The following DNAAF10 variants were observed in gnomAD, a reference collection of about 807,000 sequenced individuals.
The protein encoded by DNAAF10 is WD repeat domain 92.
In DNAAF10, 28 loss-of-function variants were observed where a neutral mutation model predicts 43.7. The ratio of observed to expected loss-of-function variants is 0.64; its 90% CI spans 0.48 to 0.88. The LOEUF (loss-of-function observed/expected upper bound fraction) is 0.88. Ranked by LOEUF, DNAAF10 falls within the 40% of genes least tolerant of loss-of-function variation. The pLI is 0.00. For missense variants in DNAAF10, 403 were observed against 439.1 expected (o/e 0.92, Z 0.73); for synonymous variants, 156 against 157.3 (o/e 0.99, Z 0.06).
chr2:68,140,366 C>G (rs1251381560), intron 4 of DNAAF10, among the ~76,000 whole-genome samples: 2 of 152,178 alleles, frequency 1.3e-5, no homozygotes, highest in African/African-American at 2.4e-5. Flanking sequence ...TTATCCCACC[C>G]CTTGTATAAT....
Position 68,137,290 on chromosome 2 carries a change from C to A in DNAAF10, c.768+9G>T. Reference sequence around the variant, plus strand: ...CTTCTTCATAGAAAGACATTTCCCTCATATTTACCTTTTCTGAAACAGAGG... The same window carrying A: ...CTTCTTCATAGAAAGACATTTCCCTAATATTTACCTTTTCTGAAACAGAGG... On this transcript the variant is annotated intron_variant, in intron 6 of 7. Coordinates refer to ENST00000295121, the MANE Select transcript of DNAAF10 (RefSeq NM_138458.4). The A allele has an allele frequency of 6.2e-7, 1 of 1,605,430 alleles. No homozygotes were observed. Among genetic ancestry groups the A allele is most frequent in the Non-Finnish European group, 8.5e-7 (1 of 1,176,334 alleles).
At chr2:68,144,865 G>T in intron 2 of DNAAF10, 150 bp from the exon 3 acceptor site, 1 of 1,099,046 alleles carries the variant, frequency 9.1e-7, no homozygotes, top group Non-Finnish European at 1.2e-6. Context: ...TTACACTTCT[G>T]AAATTTTCTC....
intron 7 of DNAAF10, chr2:68,134,324 C>T: frequency 9.8e-7 from 1 of 1,024,906 alleles, no homozygotes. Flanking sequence ...CAGCCTCAGG[C>T]TCTGTTGGGG....
chr2:68,144,315 T>C (rs1673261221), intron 3 of DNAAF10, among the ~76,000 whole-genome samples: 1 of 152,190 alleles, frequency 6.6e-6, no homozygotes, highest in Admixed American at 6.5e-5. Context: ...TCCTTCAAGG[T>C]TCAGAGGAAA....
rs550463215 is a variant in DNAAF10 at position 68,134,132 on chromosome 2, C to A, written c.866+570G>T. On this transcript the variant is annotated intron_variant, in intron 7 of 7. Coordinates refer to ENST00000295121, the MANE Select transcript of DNAAF10 (RefSeq NM_138458.4). ...ATTTTTGTTTTGTTTTGTTTTGTTT[C>A]CTTTTCACAGGCCAACCCTGAGCAA... The A allele has an allele frequency of 2.1e-4, 205 of 984,310 alleles. 2 individuals are homozygous for A. The African/African-American group carries it at 3.3e-3, about 16-fold the overall frequency. 61.0% of individuals were successfully genotyped at this position (984,310 alleles called of 1,614,324 possible).
At chr2:68,131,693 G>A (rs1476464136) in intron 7 of DNAAF10, 21 of 426,390 alleles carry the variant, frequency 4.9e-5, no homozygotes, top group Non-Finnish European at 2.2e-5. Context: ...TCTGCTCAAC[G>A]TGTATCTGTA....
At chr2:68,136,408 T>C (rs1572917347) in intron 6 of DNAAF10, among the ~76,000 whole-genome samples, 1 of 152,202 alleles carries the variant, frequency 6.6e-6, no homozygotes, top group African/African-American at 2.4e-5. Context: ...TTTATAGCTA[T>C]CTTGTTAAGA....
At chr2:68,145,123 C>T (rs756028442) in intron 2 of DNAAF10, among the ~76,000 whole-genome samples, 2 of 151,118 alleles carry the variant, frequency 1.3e-5, no homozygotes, top group Non-Finnish European at 2.9e-5. Flanking sequence ...AATACTGCTT[C>T]AAATATAGAG....
chr2:68,137,448 T>C lies in DNAAF10; in HGVS notation c.634-15A>G, dbSNP rs771873746. 2 of 1,602,268 alleles carry C rather than the reference T, an allele frequency of 1.2e-6. No individual in the cohort carries two copies. Among genetic ancestry groups the C allele is most frequent in the South Asian group, 1.1e-5 (1 of 88,930 alleles). On this transcript the variant is annotated splice_polypyrimidine_tract_variant and intron_variant, in intron 5 of 7. Coordinates refer to ENST00000295121, the MANE Select transcript of DNAAF10 (RefSeq NM_138458.4). ...AAGCTACACACCTGAAAACAGAGAATACTTATTATTGGTAGTCTCACCAGT... is the reference window on the plus strand; with the variant it reads ...AAGCTACACACCTGAAAACAGAGAACACTTATTATTGGTAGTCTCACCAGT...
At chr2:68,148,471 C>T (rs1673378236) in intron 1 of DNAAF10, among the ~76,000 whole-genome samples, 1 of 152,186 alleles carries the variant, frequency 6.6e-6, no homozygotes. Flanking sequence ...TTATACTACT[C>T]CTATGCCTCC....
At position 68,131,350 on chromosome 2, in the gene DNAAF10, G is replaced by A. The variant is rs199778497; in HGVS notation, c.962C>T (p.Thr321Ile). The A allele has an allele frequency of 3.7e-6, 6 of 1,614,152 alleles. No individual in the cohort carries two copies. The East Asian group carries it at 1.3e-4, about 36-fold the overall frequency. ...CCAATCCAAACTTGAAATGGGCTGG[G>A]TGGACAACGTAACATTCTGCAGAAG... ...VSLLQNVTLS[T>I]QPISSLDWSP... Residue 321 changes from threonine (T) to isoleucine (I), a missense_variant, in exon 8 of 8, where the codon ACC (threonine) becomes ATC (isoleucine). Transcript: ENST00000295121.
In DNAAF10 at chr2:68,131,458, T is replaced by A; in HGVS notation, c.867-13A>T. 6.2e-7 allele frequency: 1 copy of A among 1,608,972 alleles called. No homozygotes were observed. The highest frequency in any genetic ancestry group is 8.5e-7 in the Non-Finnish European group (1 of 1,176,714). ...AATAGGGTATTCACTGAAAACAAGA[T>A]CAAAATGGTAAGAGCGCATAAATCT... is the stretch of plus-strand genomic sequence containing the variant. On this transcript the variant is annotated splice_polypyrimidine_tract_variant and intron_variant, in intron 7 of 7. Coordinates refer to ENST00000295121, the MANE Select transcript of DNAAF10 (RefSeq NM_138458.4).
chr2:68,141,094 C>T (rs905335104), intron 4 of DNAAF10, among the ~76,000 whole-genome samples: 1 of 152,082 alleles, frequency 6.6e-6, no homozygotes, highest in South Asian at 2.1e-4. Flanking sequence ...TAGATCCAAA[C>T]CATATCAAAG....
chr2:68,130,957 C>T lies in DNAAF10; in HGVS notation c.*281G>A, dbSNP rs1490664838. ...TTTTGAGACAGTCTTGCTCAGTTGC[C>T]CAGGCTGGAGTGCAGTGGCACAATC... On this transcript the variant is annotated 3_prime_UTR_variant, in exon 8 of 8. Transcript: ENST00000295121. 16 of 238,432 alleles carry T rather than the reference C, an allele frequency of 6.7e-5. No homozygotes were observed. The highest frequency in any genetic ancestry group is 2.4e-5 in the African/African-American group (1 of 42,304). 14.8% of individuals were successfully genotyped at this position (238,432 alleles called of 1,614,324 possible).
At chr2:68,155,315 A>T (rs1673567949) in intron 1 of DNAAF10, among the ~76,000 whole-genome samples, 1 of 151,372 alleles carries the variant, frequency 6.6e-6, no homozygotes, top group Non-Finnish European at 1.5e-5. Context: ...AACATGGTGA[A>T]ACCCCATCTC....
chr2:68,155,616 C>T (rs1004621895), intron 1 of DNAAF10, among the ~76,000 whole-genome samples: 1 of 152,010 alleles, frequency 6.6e-6, no homozygotes, highest in African/African-American at 2.4e-5. Context: ...TGGTTTGAGC[C>T]CAGGAGTTCC....
chr2:68,152,945 CAG>C (rs1222095589), intron 1 of DNAAF10, among the ~76,000 whole-genome samples: 1 of 152,168 alleles, frequency 6.6e-6, no homozygotes, highest in Non-Finnish European at 1.5e-5. Flanking sequence ...TTCGGTAGCA[CAG>C]GGGCTAAAAA....
intron 6 of DNAAF10, among the ~76,000 whole-genome samples, chr2:68,136,819 A>G (rs148902914): frequency 3.3e-4 from 51 of 152,358 alleles, no homozygotes; most frequent in African/African-American, 1.2e-3. Flanking sequence ...GGCAAAGTTA[A>G]GTAAGTAAAT....
chr2:68,134,455 T>C, intron 7 of DNAAF10: 2 of 1,266,800 alleles, frequency 1.6e-6, no homozygotes, highest in South Asian at 1.8e-5. Context: ...AACTTTTTCA[T>C]ACTTAGAAGA....
Sources: gnomAD v4.1 joint callset for allele counts (sites outside exome capture counted in the v4.1 genomes callset) on GRCh38, gnomAD v4.1.1 for gene constraint, MANE v1.5 for transcripts, NCBI Gene and HGNC (gene_info 2026-07-23, HGNC 2026-07-21) for gene names.